Variants in PPP2R2B observed in about 807,000 individuals in gnomAD.
The protein encoded by PPP2R2B is serine/threonine-protein phosphatase 2A 55 kDa regulatory subunit B beta isoform.
PPP2R2B carries 5 observed loss-of-function variants against 46.0 expected under a neutral mutation model. The ratio of observed to expected loss-of-function variants is 0.11; its 90% confidence interval spans 0.06 to 0.23. PPP2R2B has a LOEUF of 0.23. PPP2R2B is among the 10% of genes least tolerant of loss of function. The probability of loss-of-function intolerance (pLI) is 1.00; values close to 1 mark genes in which losing one functional copy is unlikely to be tolerated. For synonymous variants in PPP2R2B, 215 were observed against 206.7 expected, an observed-to-expected ratio of 1.04 and a Z score of -0.34; for missense variants, 367 against 575.0, an observed-to-expected ratio of 0.64 and a Z score of 3.70.
intron 2 of PPP2R2B, among the ~76,000 whole-genome samples, chr5:147,079,469 T>TATATATATATATATATATATAC (rs1491141938): frequency 7.2e-5 from 10 of 139,040 alleles, no homozygotes; most frequent in African/African-American, 2.7e-4. Context: ...TATATATATA[T>TATATATATATATATATATATAC]ACATGTGCAA....
intron 1 of PPP2R2B, among the ~76,000 whole-genome samples, chr5:147,019,467 A>G (rs1755159959): frequency 6.6e-6 from 1 of 152,208 alleles, no homozygotes; most frequent in South Asian, 2.1e-4. Context: ...CACCACCAAC[A>G]TGAAGGTGGG....
In PPP2R2B at chr5:146,587,610, C is replaced by G. The variant is rs1407350121; in HGVS notation, c.*2337G>C. Reference sequence around the variant, plus strand: ...ATGTGAAGAACCACCATCTTTGATGCCCCTAAGGGCATAAATCTTCTGTCA... The same window carrying G: ...ATGTGAAGAACCACCATCTTTGATGGCCCTAAGGGCATAAATCTTCTGTCA... On this transcript the variant is annotated 3_prime_UTR_variant, in exon 10 of 10. Coordinates refer to ENST00000394411, the MANE Select transcript of PPP2R2B (RefSeq NM_181675.4). 6.6e-6 allele frequency: 1 copy of G among 152,170 alleles called. No homozygotes were observed. Among genetic ancestry groups the G allele is most frequent in the Non-Finnish European group, 1.5e-5 (1 of 68,036 alleles). 9.4% of individuals were successfully genotyped at this position (152,170 alleles called of 1,614,324 possible).
intron 1 of PPP2R2B, among the ~76,000 whole-genome samples, chr5:147,031,894 C>T (rs999966880): frequency 6.6e-6 from 1 of 152,142 alleles, no homozygotes; most frequent in African/African-American, 2.4e-5. Context: ...CAAAAATCGA[C>T]TCAAGATGGA....
At chr5:146,598,399 C>T (rs924218098) in intron 8 of PPP2R2B, among the ~76,000 whole-genome samples, 1 of 152,256 alleles carries the variant, frequency 6.6e-6, no homozygotes, top group African/African-American at 2.4e-5. Context: ...ATTTTCTGAC[C>T]TCTTCTTTAA....
At chr5:146,763,491 C>T (rs1347759573) in intron 2 of PPP2R2B, among the ~76,000 whole-genome samples, 2 of 152,032 alleles carry the variant, frequency 1.3e-5, no homozygotes, top group African/African-American at 4.8e-5. Flanking sequence ...TGTGACATAC[C>T]CAACACACGA....
intron 1 of PPP2R2B, among the ~76,000 whole-genome samples, chr5:147,002,626 G>C (rs1754231277): frequency 6.6e-6 from 1 of 150,696 alleles, no homozygotes; most frequent in South Asian, 2.1e-4. Flanking sequence ...CATCAGTAAG[G>C]GCCACTAAAT....
At chr5:146,673,024 T>C (rs942451745) in intron 5 of PPP2R2B, among the ~76,000 whole-genome samples, 4 of 152,232 alleles carry the variant, frequency 2.6e-5, no homozygotes, top group African/African-American at 9.6e-5. Flanking sequence ...TCTCAACATA[T>C]ATGGCACTTG....
intron 2 of PPP2R2B, among the ~76,000 whole-genome samples, chr5:146,740,620 CACAG>C (rs1752816945): frequency 8.5e-6 from 1 of 117,874 alleles, no homozygotes; most frequent in African/African-American, 3.3e-5. Flanking sequence ...CACACACACA[CACAG>C]ATAAAAGTTC....
chr5:147,044,334 T>C (rs1026933509), intron 1 of PPP2R2B, among the ~76,000 whole-genome samples: 1 of 152,138 alleles, frequency 6.6e-6, no homozygotes, highest in Non-Finnish European at 1.5e-5. Context: ...TGTTGCTATC[T>C]GGTCAGGAAT....
intron 1 of PPP2R2B, among the ~76,000 whole-genome samples, chr5:147,010,117 A>G (rs1754644723): frequency 6.6e-6 from 1 of 152,170 alleles, no homozygotes; most frequent in Admixed American, 6.5e-5. Context: ...TGTGGTTGAC[A>G]TAAAAGGGCT....
rs568928355 is a variant in PPP2R2B, at chr5:146,933,414, G to A, written c.79+122251C>T. 8.8e-4 allele frequency among the ~76,000 whole-genome samples: 134 copies of A among 152,146 alleles called. 2 individuals are homozygous for A. The highest frequency in any genetic ancestry group is 3.1e-3 in the African/African-American group (129 of 41,538). ...TTTCTTTAAAAAATCAAAAGATTTT[G>A]AAAATGATTATTAGGGAGTTTTTAT... is the stretch of plus-strand genomic sequence containing the variant. On this transcript the variant is annotated intron_variant, in intron 1 of 8. Coordinates refer to the PPP2R2B transcript ENST00000336640.
intron 1 of PPP2R2B, among the ~76,000 whole-genome samples, chr5:146,988,569 T>C (rs1305505579): frequency 6.6e-6 from 1 of 151,666 alleles, no homozygotes; most frequent in African/African-American, 2.4e-5. Context: ...TTGGGGCAAA[T>C]GAAAATGGAA....
chr5:146,786,196 GA>G (rs200931904), intron 2 of PPP2R2B, among the ~76,000 whole-genome samples: 2 of 151,864 alleles, frequency 1.3e-5, no homozygotes, highest in East Asian at 1.9e-4. Context: ...TAAATGGAAG[GA>G]AAAAAAGAAT....
chr5:147,056,525 C>T (rs1757088348), upstream of PPP2R2B, among the ~76,000 whole-genome samples: 1 of 152,038 alleles, frequency 6.6e-6, no homozygotes, highest in Admixed American at 6.6e-5. Flanking sequence ...AATAGAAAGC[C>T]ACAACGCAAG....
intron 1 of PPP2R2B, among the ~76,000 whole-genome samples, chr5:146,950,701 C>T (rs1265390511): frequency 1.3e-5 from 2 of 152,012 alleles, no homozygotes; most frequent in African/African-American, 4.8e-5. Context: ...CCTAACATCA[C>T]AGGTTGTATG....
intron 1 of PPP2R2B, among the ~76,000 whole-genome samples, chr5:146,895,750 C>G (rs319175): frequency 0.49 from 73,806 of 151,958 alleles, 19,783 homozygotes; most frequent in East Asian, 0.7. Flanking sequence ...TATGGCTTCT[C>G]TTGAAATAAA....
chr5:146,742,552 C>T (rs747962333), intron 2 of PPP2R2B, among the ~76,000 whole-genome samples: 8 of 151,840 alleles, frequency 5.3e-5, no homozygotes, highest in Non-Finnish European at 8.8e-5. Context: ...TCTGTTTTTG[C>T]GAATTTTTAA....
chr5:146,825,072 C>T (rs1758490918), intron 2 of PPP2R2B, among the ~76,000 whole-genome samples: 1 of 152,138 alleles, frequency 6.6e-6, no homozygotes, highest in African/African-American at 2.4e-5. Context: ...TTAATGAAAC[C>T]TCCTGAAAAA....
At chr5:146,809,137 G>C (rs1441411738) in intron 2 of PPP2R2B, among the ~76,000 whole-genome samples, 2 of 152,234 alleles carry the variant, frequency 1.3e-5, no homozygotes, top group East Asian at 3.9e-4. Context: ...GCTTTCTCTA[G>C]TAGACCTGCT....
Sources: allele counts gnomAD v4.1 joint callset (sites outside exome capture counted in the v4.1 genomes callset), GRCh38; gene constraint gnomAD v4.1.1; transcripts MANE v1.5; gene names NCBI Gene and HGNC (gene_info 2026-07-23, HGNC 2026-07-21).